The following ITGB1BP1 variants were observed in gnomAD, a reference collection of about 807,000 sequenced individuals.
ITGB1BP1 encodes the protein integrin subunit beta 1 binding protein 1, also known as integrin beta-1-binding protein 1.
ITGB1BP1 carries 20 observed loss-of-function variants against 28.0 expected under a neutral mutation model. That is an observed-to-expected ratio of 0.71 (90% CI 0.50 to 1.04). The LOEUF (loss-of-function observed/expected upper bound fraction) is 1.04. Ranked by LOEUF, ITGB1BP1 falls within the 50% of genes least tolerant of loss-of-function variation. The pLI is 0.00. For missense variants in ITGB1BP1, 228 were observed against 242.5 expected (o/e 0.94, Z 0.40); for synonymous variants, 103 against 89.5 (o/e 1.15, Z -0.85).
At chr2:9,416,099 C>CATCCA (rs1679096154) in intron 2 of ITGB1BP1, among the ~76,000 whole-genome samples, 1 of 152,182 alleles carries the variant, frequency 6.6e-6, no homozygotes, top group Non-Finnish European at 1.5e-5. Context: ...TGAGTCACGG[C>CATCCA]ATCCCATCCC....
chr2:9,418,525 T>C, intron 2 of ITGB1BP1, 101 bp downstream of exon 2: 1 of 823,732 alleles, frequency 1.2e-6, no homozygotes, highest in South Asian at 1.4e-5. Flanking sequence ...TTGAAGATTA[T>C]CAGGAGATCT....
At chr2:9,422,515 G>A in intron 1 of ITGB1BP1, 1 of 985,534 alleles carries the variant, frequency 1.0e-6, no homozygotes. Flanking sequence ...GCCTTCCTGG[G>A]ATCTCAAGGC....
At chr2:9,418,547 G>A in intron 2 of ITGB1BP1, 79 bp downstream of exon 2, 1 of 973,324 alleles carries the variant, frequency 1.0e-6, no homozygotes, top group South Asian at 1.3e-5. Flanking sequence ...CCCACGGTCA[G>A]TATCCTCCAT....
chr2:9,421,255 A>G (rs938493874), intron 1 of ITGB1BP1, among the ~76,000 whole-genome samples: 5 of 152,226 alleles, frequency 3.3e-5, no homozygotes, highest in Non-Finnish European at 7.3e-5. Flanking sequence ...CCTTGATATG[A>G]AAATCATGAC....
chr2:9,404,240 C>G lies in ITGB1BP1; in HGVS notation c.*2594G>C, dbSNP rs138342574. On this transcript the variant is annotated 3_prime_UTR_variant, in exon 7 of 7. Transcript: ENST00000355346. ...AGTGTACCACTGCCTTCCCTTCTAG[C>G]CCAGGAGAATGTTTACTCAGTTTAG... 6.0e-4 allele frequency: 91 copies of G among 152,294 alleles called. No individual in the cohort carries two copies. Among genetic ancestry groups the G allele is most frequent in the African/African-American group, 2.0e-3 (85 of 41,564 alleles). 9.4% of individuals were successfully genotyped at this position (152,294 alleles called of 1,614,324 possible).
rs1478997257 is a variant in ITGB1BP1 at position 9,410,858 on chromosome 2, G to A, written c.288+1411C>T. 7.2e-5 allele frequency among the ~76,000 whole-genome samples: 11 copies of A among 152,218 alleles called. No individual in the cohort carries two copies. In the South Asian group the frequency reaches 1.9e-3, roughly 26 times the overall value. ...CCCCCAAAATGCTGGGATTACAGAC[G>A]TGAGCCACCATGCCCTGCCACGCTG... is the stretch of plus-strand genomic sequence containing the variant. On this transcript the variant is annotated intron_variant, in intron 4 of 6. Transcript: ENST00000355346.
intron 6 of ITGB1BP1, 91 bp from the exon 7 acceptor site, chr2:9,406,996 T>G: frequency 1.1e-6 from 1 of 939,088 alleles, no homozygotes; most frequent in South Asian, 1.3e-5. Context: ...CTGACCCTCT[T>G]AAGACCTCTC....
At chr2:9,420,937 G>A (rs1679757243) in intron 1 of ITGB1BP1, among the ~76,000 whole-genome samples, 1 of 152,210 alleles carries the variant, frequency 6.6e-6, no homozygotes, top group African/African-American at 2.4e-5. Flanking sequence ...GAAGACTGCG[G>A]GTGATTGCTG....
Position 9,412,328 on chromosome 2 carries a change from A to G in ITGB1BP1, c.229T>C (p.Ser77Pro). ...YVGAIEKLKL[S>P]EGKGLEGPLD... ...GGCCCTTCAAGGCCTTTTCCCTCGGAGAGTTTCAGTTTCTCAATGGCACCA... is the reference window on the plus strand; with the variant it reads ...GGCCCTTCAAGGCCTTTTCCCTCGGGGAGTTTCAGTTTCTCAATGGCACCA... The change falls in exon 4 of 7, where the codon TCC becomes CCC. Residue 77 changes from serine (S) to proline (P), a missense_variant. Physicochemically the swap from Ser to Pro is moderately conservative, Grantham distance 74 (BLOSUM62 -1). This residue lies in a region of ITGB1BP1 where 192 missense variants were observed against 181.6 expected (regional missense o/e 1.06). Transcript: ENST00000355346. 2 of 1,612,368 alleles carry G rather than the reference A, an allele frequency of 1.2e-6. No homozygotes were observed. The highest frequency in any genetic ancestry group is 1.7e-6 in the Non-Finnish European group (2 of 1,178,812).
At position 9,407,555 on chromosome 2, in the gene ITGB1BP1, AC is replaced by A; in HGVS notation, c.424del (p.Val142CysfsTer16). 6.2e-7 allele frequency: 1 copy of A among 1,614,124 alleles called. No homozygotes were observed. On this transcript the variant is annotated frameshift_variant, in exon 6 of 7. Transcript: ENST00000355346. LOFTEE classifies it high-confidence loss of function. ...CGCCCCCAGACCGTCATCGTAACAC[AC>A]CATCCGGATTATTAAGTAGAGAGCA... Reference protein sequence around the residue: ...RHALYLIIRMVCYDDGLGAGK... With the variant: ...RHALYLIIRMXCYDDGLGAGK...
rs761402448 is a variant in ITGB1BP1 at position 9,412,266 on chromosome 2, T to C, written c.288+3A>G. 1 of 1,605,334 alleles carries C rather than the reference T, an allele frequency of 6.2e-7. No homozygotes were observed. Among genetic ancestry groups the C allele is most frequent in the South Asian group, 1.1e-5 (1 of 89,534 alleles). On this transcript the variant is annotated splice_donor_region_variant and intron_variant, in intron 4 of 6. Coordinates refer to ENST00000355346, the MANE Select transcript of ITGB1BP1 (RefSeq NM_004763.5). ...AGAGAGTTACGGAATTTTTTTTTTT[T>C]ACCTGGGCAACGTCTATATAATTTA...
At chr2:9,417,227 G>A (rs913644817) in intron 2 of ITGB1BP1, among the ~76,000 whole-genome samples, 1 of 151,860 alleles carries the variant, frequency 6.6e-6, no homozygotes, top group Non-Finnish European at 1.5e-5. Context: ...CCCAGGCCAC[G>A]CTGGTCTCCC....
At chr2:9,410,751 T>C (rs11685612) in intron 4 of ITGB1BP1, among the ~76,000 whole-genome samples, 33,303 of 152,118 alleles carry the variant, frequency 0.22, 4,007 homozygotes, top group African/African-American at 0.31. Context: ...TTAAAATTGT[T>C]TTTTTTGTAG....
At chr2:9,409,898 G>A (rs1302144001) in intron 4 of ITGB1BP1, among the ~76,000 whole-genome samples, 1 of 144,856 alleles carries the variant, frequency 6.9e-6, no homozygotes, top group Non-Finnish European at 1.5e-5. Context: ...AGGCTGGAGT[G>A]CAATGGCGCG....
Position 9,405,771 on chromosome 2 carries a change from T to C in ITGB1BP1, c.*1063A>G, listed in dbSNP as rs1272012404. ...CACTATCATACTGTACATGGGATCT[T>C]TACATACTTTTAGCATGAGCGGTAA... On this transcript the variant is annotated 3_prime_UTR_variant, in exon 7 of 7. Coordinates refer to ENST00000355346, the MANE Select transcript of ITGB1BP1 (RefSeq NM_004763.5). The C allele has an allele frequency of 6.6e-6, 1 of 152,242 alleles. No individual in the cohort carries two copies. The highest frequency in any genetic ancestry group is 1.9e-4 in the East Asian group (1 of 5,198). 9.4% of individuals were successfully genotyped at this position (152,242 alleles called of 1,614,324 possible). A position where few individuals can be genotyped will look rare whatever the true frequency, so the allele number is the denominator to read the frequency against.
At chr2:9,414,449 T>C (rs1028148843) in intron 2 of ITGB1BP1, among the ~76,000 whole-genome samples, 193 bp from the exon 3 acceptor site, 4 of 152,168 alleles carry the variant, frequency 2.6e-5, no homozygotes, top group Non-Finnish European at 5.9e-5. Context: ...AAAAACCACA[T>C]AATCCCAACT....
chr2:9,423,413 G>A lies in ITGB1BP1; in HGVS notation c.-76C>T. 5 of 1,144,162 alleles carry A rather than the reference G, an allele frequency of 4.4e-6. No individual in the cohort carries two copies. Among genetic ancestry groups the A allele is most frequent in the East Asian group, 1.8e-4 (2 of 11,208 alleles). 70.9% of individuals were successfully genotyped at this position (1,144,162 alleles called of 1,614,324 possible). On this transcript the variant is annotated 5_prime_UTR_variant, in exon 1 of 7. Coordinates refer to ENST00000355346, the MANE Select transcript of ITGB1BP1 (RefSeq NM_004763.5). ...CCATCCCCGGGTTGCGGACTTCGGGGTCCGCGTGGGAGTGCCGCGGCCTTT... is the reference window on the plus strand; with the variant it reads ...CCATCCCCGGGTTGCGGACTTCGGGATCCGCGTGGGAGTGCCGCGGCCTTT...
rs141743514 is a variant in ITGB1BP1, at chr2:9,410,659, T to C, written c.288+1610A>G. ...TTTGCCATATTGGCCAGGCTGGTCT[T>C]GAACTCTTGGCCTCAAGTGATCTGC... On this transcript the variant is annotated intron_variant, in intron 4 of 6. Coordinates refer to ENST00000355346, the MANE Select transcript of ITGB1BP1 (RefSeq NM_004763.5). Among the ~76,000 whole-genome samples, 1,072 of 152,286 alleles carry C rather than the reference T, an allele frequency of 7.0e-3. 8 individuals carry two copies. Among genetic ancestry groups the C allele is most frequent in the African/African-American group, 0.025 (1,035 of 41,552 alleles).
chr2:9,408,869 G>C (rs1383637806), intron 4 of ITGB1BP1, among the ~76,000 whole-genome samples: 2 of 152,184 alleles, frequency 1.3e-5, no homozygotes, highest in Non-Finnish European at 2.9e-5. Flanking sequence ...ATTACACACT[G>C]AGCTGCTTCT....
Sources: allele counts gnomAD v4.1 joint callset (sites outside exome capture counted in the v4.1 genomes callset), GRCh38; gene constraint gnomAD v4.1.1; regional missense constraint gnomAD v4.1.1; transcripts MANE v1.5; gene names NCBI Gene and HGNC (gene_info 2026-07-23, HGNC 2026-07-21).